DAB2IP: variants seen among roughly 807,000 people sequenced by gnomAD.
DAB2IP encodes the protein DAB2 interacting protein.
A neutral mutation model predicts 107.2 loss-of-function variants in DAB2IP; 28 were observed. The observed-to-expected ratio is 0.26, with a 90% CI of 0.19 to 0.36. The LOEUF (loss-of-function observed/expected upper bound fraction) is 0.36. Among genes scored for constraint, DAB2IP ranks in the 10% least tolerant of loss-of-function variants. The pLI is 1.00. For missense variants in DAB2IP, 1,400 were observed against 1,644.7 expected, an observed-to-expected ratio of 0.85 and a Z score of 2.57; for synonymous variants, 755 against 706.4, an observed-to-expected ratio of 1.07 and a Z score of -1.09.
rs577278801 is a variant in DAB2IP at position 121,594,097 on chromosome 9, T to C, written c.40+26869T>C. On this transcript the variant is annotated intron_variant, in intron 1 of 16. Transcript: ENST00000259371. ...CATGCATTTTGCCACTATGATCTCA[T>C]TGAATCTTTATAATAACCCTTGTGA... Among the ~76,000 whole-genome samples, 61 of 152,302 alleles carry C rather than the reference T, an allele frequency of 4.0e-4. 1 individual carries two copies. Among genetic ancestry groups the C allele is most frequent in the Non-Finnish European group, 6.8e-4 (46 of 68,026 alleles).
At chr9:121,735,957 G>A (rs914212518) in intron 3 of DAB2IP, among the ~76,000 whole-genome samples, 1 of 152,216 alleles carries the variant, frequency 6.6e-6, no homozygotes, top group African/African-American at 2.4e-5. Context: ...CAGCTCACCA[G>A]CCTGTCTCCT....
At chr9:121,783,068 C>A (rs892652042) in exon 16 of DAB2IP, 2 of 1,032,654 alleles carry the variant, frequency 1.9e-6, no homozygotes, top group South Asian at 3.9e-5. Flanking sequence ...TCCGAAGCAC[C>A]TGCCACTGCA....
intron 3 of DAB2IP, among the ~76,000 whole-genome samples, chr9:121,703,804 C>T (rs1829913017): frequency 6.6e-6 from 1 of 152,154 alleles, no homozygotes; most frequent in South Asian, 2.1e-4. Flanking sequence ...TTCTCATCCA[C>T]AGTGTGGGAA....
In DAB2IP at chr9:121,679,413, T is replaced by TACACACACACACACACACACACAC. The variant is rs3138857; in HGVS notation, c.228+649_228+672dup. On this transcript the variant is annotated intron_variant, in intron 2 of 15. Transcript: ENST00000408936. ...TCATACCCTTCTGCATTTGTGCATG[T>TACACACACACACACACACACACAC]ACACACACACACACACACACACACA... 1.5e-3 allele frequency among the ~76,000 whole-genome samples: 203 copies of TACACACACACACACACACACACAC among 135,616 alleles called. 3 individuals are homozygous for TACACACACACACACACACACACAC. The highest frequency in any genetic ancestry group is 5.4e-3 in the African/African-American group (182 of 33,690). The allele number at this position is 135,616 out of a possible 152,430, so 89.0% of individuals were successfully genotyped here. A position where few individuals can be genotyped will look rare whatever the true frequency, so the allele number is the denominator to read the frequency against.
chr9:121,723,423 G>A (rs1831052605), intron 3 of DAB2IP, among the ~76,000 whole-genome samples: 2 of 152,328 alleles, frequency 1.3e-5, no homozygotes, highest in South Asian at 2.1e-4. Context: ...GGTGGGAGAG[G>A]TGCCTGCCAC....
At chr9:121,571,311 T>C (rs1829936194) in intron 1 of DAB2IP, among the ~76,000 whole-genome samples, 2 of 152,100 alleles carry the variant, frequency 1.3e-5, no homozygotes, top group Non-Finnish European at 2.9e-5. Context: ...CAGAGCATAG[T>C]TCTCCACCTG....
intron 1 of DAB2IP, among the ~76,000 whole-genome samples, chr9:121,594,290 G>A (rs898710859): frequency 4.6e-5 from 7 of 150,888 alleles, no homozygotes; most frequent in Non-Finnish European, 1.5e-5. Context: ...AGGCTGGAGG[G>A]CAAATGGTGC....
chr9:121,645,457 C>A (rs1010857655), intron 1 of DAB2IP, among the ~76,000 whole-genome samples: 4 of 152,172 alleles, frequency 2.6e-5, no homozygotes, highest in Non-Finnish European at 1.5e-5. Flanking sequence ...AGGCTCTCGA[C>A]GGAGAGAGGT....
chr9:121,609,342 C>G (rs778878888), intron 1 of DAB2IP, among the ~76,000 whole-genome samples: 1 of 152,182 alleles, frequency 6.6e-6, no homozygotes, highest in Non-Finnish European at 1.5e-5. Flanking sequence ...GGCTGAAGTT[C>G]TAGCCCGACC....
intron 1 of DAB2IP, among the ~76,000 whole-genome samples, chr9:121,597,385 C>T (rs1316028700): frequency 6.6e-6 from 1 of 152,174 alleles, no homozygotes; most frequent in Non-Finnish European, 1.5e-5. Context: ...CTCCCACTGA[C>T]CTGCAGGGCC....
At chr9:121,601,671 A>G (rs1399095905) in intron 1 of DAB2IP, among the ~76,000 whole-genome samples, 1 of 152,112 alleles carries the variant, frequency 6.6e-6, no homozygotes, top group African/African-American at 2.4e-5. Context: ...AGGACTTTAC[A>G]CATATTATTT....
At chr9:121,580,561 A>C (rs982603663) in intron 1 of DAB2IP, among the ~76,000 whole-genome samples, 1 of 152,176 alleles carries the variant, frequency 6.6e-6, no homozygotes, top group Non-Finnish European at 1.5e-5. Flanking sequence ...GGAGGTAGTG[A>C]ACAGGCAGAG....
chr9:121,785,514 T>G (rs564937165), exon 16 of DAB2IP: 1 of 152,670 alleles, frequency 6.6e-6, no homozygotes, highest in Non-Finnish European at 1.5e-5. Flanking sequence ...TATTAAAGAT[T>G]TATTTAGCTA....
chr9:121,717,862 T>C (rs1383334160), intron 3 of DAB2IP, among the ~76,000 whole-genome samples: 1 of 152,220 alleles, frequency 6.6e-6, no homozygotes, highest in Non-Finnish European at 1.5e-5. Flanking sequence ...TCCTGCAAGC[T>C]GAGCCTGGGT....
chr9:121,729,310 C>T (rs902611048), intron 3 of DAB2IP, among the ~76,000 whole-genome samples: 1 of 152,318 alleles, frequency 6.6e-6, no homozygotes, highest in South Asian at 2.1e-4. Context: ...CCCTTTATCT[C>T]TAAGCCTTCT....
intron 1 of DAB2IP, among the ~76,000 whole-genome samples, chr9:121,657,747 A>G (rs1833026662): frequency 6.6e-6 from 1 of 152,202 alleles, no homozygotes; most frequent in Non-Finnish European, 1.5e-5. Context: ...TCAGGTTTTC[A>G]TTCTTCTATC....
chr9:121,754,412 C>T (rs777976145), intron 3 of DAB2IP, among the ~76,000 whole-genome samples: 5 of 152,158 alleles, frequency 3.3e-5, no homozygotes, highest in Non-Finnish European at 5.9e-5. Flanking sequence ...GGAGAGCTTG[C>T]GGGAACCACT....
chr9:121,737,110 G>A (rs1183291998), intron 3 of DAB2IP: 1 of 884,416 alleles, frequency 1.1e-6, no homozygotes, highest in Non-Finnish European at 1.4e-6. Context: ...TATGACCTTG[G>A]GCGGAGTCAG....
intron 1 of DAB2IP, among the ~76,000 whole-genome samples, chr9:121,577,190 C>G (rs980553251): frequency 6.6e-6 from 1 of 152,046 alleles, no homozygotes; most frequent in African/African-American, 2.4e-5. Context: ...AGCCCTGCCC[C>G]TTCCCCTGGA....
Sources: allele counts gnomAD v4.1 joint callset (sites outside exome capture counted in the v4.1 genomes callset), GRCh38; gene constraint gnomAD v4.1.1; transcripts MANE v1.5; gene names NCBI Gene and HGNC (gene_info 2026-07-23, HGNC 2026-07-21).